The following SWT1 variants were observed in gnomAD, a reference collection of about 807,000 sequenced individuals.
The protein encoded by SWT1 is SWT1 RNA endoribonuclease homolog, also known as transcriptional protein SWT1.
A neutral mutation model predicts 107.3 loss-of-function variants in SWT1; 33 were observed. The observed-to-expected ratio is 0.31, with a 90% CI of 0.23 to 0.41. SWT1 has a LOEUF of 0.41. Among genes scored for constraint, SWT1 ranks in the 10% least tolerant of loss-of-function variants. The probability of loss-of-function intolerance (pLI) is 1.00; values close to 1 mark genes in which losing one functional copy is unlikely to be tolerated. For missense variants in SWT1, 898 were observed against 1,028.9 expected, an observed-to-expected ratio of 0.87 and a Z score of 1.74; for synonymous variants, 345 against 348.3, an observed-to-expected ratio of 0.99 and a Z score of 0.11.
chr1:185,220,953 A>G (rs751512233), intron 14 of SWT1, among the ~76,000 whole-genome samples: 1 of 152,116 alleles, frequency 6.6e-6, no homozygotes, highest in Non-Finnish European at 1.5e-5. Flanking sequence ...GCTTCCGAGT[A>G]TTTGTTTGAC....
At chr1:185,259,713 C>T (rs531742574) in intron 16 of SWT1, among the ~76,000 whole-genome samples, 7 of 152,072 alleles carry the variant, frequency 4.6e-5, no homozygotes, top group African/African-American at 1.7e-4. Context: ...CTTTATTTGC[C>T]AAATAGGGCA....
intron 16 of SWT1, among the ~76,000 whole-genome samples, chr1:185,259,597 T>A (rs1662883321): frequency 6.6e-6 from 1 of 152,102 alleles, no homozygotes; most frequent in Non-Finnish European, 1.5e-5. Flanking sequence ...ATTGAGTGAC[T>A]CCTAGAGGGA....
chr1:185,278,395 T>C (rs952153924), intron 18 of SWT1, among the ~76,000 whole-genome samples: 13 of 152,324 alleles, frequency 8.5e-5, no homozygotes, highest in African/African-American at 3.1e-4. Context: ...GCTGGTGCTT[T>C]GATCTTGAAC....
At chr1:185,230,012 A>C (rs1337279072) in intron 15 of SWT1, among the ~76,000 whole-genome samples, 1 of 152,126 alleles carries the variant, frequency 6.6e-6, no homozygotes, top group African/African-American at 2.4e-5. Flanking sequence ...GATAGTGGTG[A>C]TGGTTACACA....
intron 16 of SWT1, among the ~76,000 whole-genome samples, chr1:185,244,926 A>G (rs6424974): frequency 0.38 from 57,883 of 151,750 alleles, 11,747 homozygotes; most frequent in African/African-American, 0.51. Context: ...GCAAAAAAAT[A>G]AAATTAGCTG....
intron 15 of SWT1, among the ~76,000 whole-genome samples, chr1:185,222,956 T>C (rs540437123): frequency 6.6e-6 from 1 of 152,314 alleles, no homozygotes; most frequent in African/African-American, 2.4e-5. Flanking sequence ...TAGTGACCAC[T>C]GTTCTACTCT....
At chr1:185,273,104 T>A (rs1449384501) in intron 17 of SWT1, among the ~76,000 whole-genome samples, 1 of 152,086 alleles carries the variant, frequency 6.6e-6, no homozygotes, top group Non-Finnish European at 1.5e-5. Flanking sequence ...ATGGGCTTTT[T>A]AAGAGTCAGC....
chr1:185,175,930 T>C (rs1655510115), intron 5 of SWT1, among the ~76,000 whole-genome samples: 1 of 152,202 alleles, frequency 6.6e-6, no homozygotes, highest in African/African-American at 2.4e-5. Context: ...TATCACTTAA[T>C]AAGAGAATAC....
At chr1:185,283,430 C>G (rs182099623) in intron 18 of SWT1, among the ~76,000 whole-genome samples, 12 of 152,304 alleles carry the variant, frequency 7.9e-5, no homozygotes, top group African/African-American at 2.9e-4. Flanking sequence ...AAACAAATAT[C>G]TTGTGCAGTA....
intron 4 of SWT1, among the ~76,000 whole-genome samples, chr1:185,172,776 C>T (rs1051282207): frequency 2.0e-5 from 3 of 152,002 alleles, no homozygotes; most frequent in Non-Finnish European, 2.9e-5. Flanking sequence ...GGGCCAGCTG[C>T]GGTGGCTCAC....
chr1:185,194,259 T>A (rs947389424), intron 10 of SWT1, among the ~76,000 whole-genome samples: 1 of 152,180 alleles, frequency 6.6e-6, no homozygotes, highest in African/African-American at 2.4e-5. Flanking sequence ...TTTTAACTGT[T>A]AAGTTTAGAC....
intron 16 of SWT1, among the ~76,000 whole-genome samples, chr1:185,254,801 T>A (rs2102662986): frequency 6.6e-6 from 1 of 150,804 alleles, no homozygotes; most frequent in South Asian, 2.1e-4. Flanking sequence ...CTGATTTTAG[T>A]TATTTCTTGC....
intron 17 of SWT1, 60 bp from the exon 18 acceptor site, chr1:185,276,544 T>G (rs1377727666): frequency 5.0e-6 from 5 of 990,474 alleles, no homozygotes; most frequent in Non-Finnish European, 7.6e-6. Context: ...CTACTCTAAT[T>G]TTGCTGTCAT....
chr1:185,287,419 A>G (rs1410635004), intron 18 of SWT1, among the ~76,000 whole-genome samples: 1 of 152,216 alleles, frequency 6.6e-6, no homozygotes, highest in Non-Finnish European at 1.5e-5. Context: ...GAATTGGAAT[A>G]ATTCCTCTTG....
Position 185,237,270 on chromosome 1 carries a change from T to A in SWT1, c.2441+5562T>A, listed in dbSNP as rs977778202. Among the ~76,000 whole-genome samples, 5 of 152,170 alleles carry A rather than the reference T, an allele frequency of 3.3e-5. No homozygotes were observed. The East Asian group carries it at 9.6e-4, about 29-fold the overall frequency. On this transcript the variant is annotated intron_variant, in intron 16 of 18. Coordinates refer to ENST00000367500, the MANE Select transcript of SWT1 (RefSeq NM_017673.7). ...TGCACACATATGTTTATTGCAGCGG[T>A]GTTCACAATAGCAAAGACTTGAAAC... is the stretch of plus-strand genomic sequence containing the variant.
At chr1:185,231,514 A>C in intron 15 of SWT1, 63 bp from the exon 16 acceptor site, 6 of 1,202,070 alleles carry the variant, frequency 5.0e-6, no homozygotes, top group Non-Finnish European at 7.2e-6. Context: ...TTGCAGCTGA[A>C]ATACTTGAAT....
chr1:185,251,941 C>A (rs992734261), intron 16 of SWT1, among the ~76,000 whole-genome samples: 1 of 151,868 alleles, frequency 6.6e-6, no homozygotes, highest in Non-Finnish European at 1.5e-5. Context: ...CTATCCCTCC[C>A]CCCTCCACCC....
intron 5 of SWT1, among the ~76,000 whole-genome samples, chr1:185,177,375 A>G (rs1655657564): frequency 6.6e-6 from 1 of 152,214 alleles, no homozygotes. Flanking sequence ...TAGAATTACT[A>G]CACAAACCAA....
chr1:185,190,262 C>T (rs371427097), intron 9 of SWT1, among the ~76,000 whole-genome samples: 8 of 152,202 alleles, frequency 5.3e-5, no homozygotes, highest in African/African-American at 1.9e-4. Flanking sequence ...ATAGCTTCCC[C>T]ATTATCAGTA....
Sources: gnomAD v4.1 joint callset for allele counts (sites outside exome capture counted in the v4.1 genomes callset) on GRCh38, gnomAD v4.1.1 for gene constraint, MANE v1.5 for transcripts, NCBI Gene and HGNC (gene_info 2026-07-23, HGNC 2026-07-21) for gene names.